Variants in ADAM11 observed in about 807,000 individuals in gnomAD.
ADAM11 encodes the protein disintegrin and metalloproteinase domain-containing protein 11.
In ADAM11, 49 loss-of-function variants were observed where a neutral mutation model predicts 119.1. That is an observed-to-expected ratio of 0.41 (90% CI 0.33 to 0.52). The LOEUF (loss-of-function observed/expected upper bound fraction) is 0.52. Among genes scored for constraint, ADAM11 ranks in the 20% least tolerant of loss-of-function variants. The pLI is 0.20. For missense variants in ADAM11, 777 were observed against 1,047.5 expected (o/e 0.74, Z 3.56); for synonymous variants, 364 against 408.0 (o/e 0.89, Z 1.30).
chr17:44,772,170 A>G lies in ADAM11; in HGVS notation c.544-97A>G. 1 of 1,203,682 alleles carries G rather than the reference A, an allele frequency of 8.3e-7. No individual in the cohort carries two copies. 74.6% of individuals were successfully genotyped at this position (1,203,682 alleles called of 1,614,324 possible). A position where few individuals can be genotyped will look rare whatever the true frequency, so the allele number is the denominator to read the frequency against. ...GCTGTGGCCAGTTCTGGGTCACCCC[A>G]GGGTGGGGTGGAGGCGAGGGCTGGA... On this transcript the variant is annotated intron_variant, in intron 6 of 26. Transcript: ENST00000200557. This position sits in a 1 kb window ranked among gnomAD's most constrained non-coding sequence, Gnocchi z 4.5.
chr17:44,777,569 C>G lies in ADAM11; in HGVS notation c.1869C>G (p.Thr623=). The G allele has an allele frequency of 6.2e-7, 1 of 1,614,174 alleles. No homozygotes were observed. Among genetic ancestry groups the G allele is most frequent in the Non-Finnish European group, 8.5e-7 (1 of 1,180,022 alleles). ...GDLVGDISSV[T]FYHQGKELDC... ...TGGTGGGAGACATCAGTAGTGTCACCTTCTACCACCAGGGCAAGGAGCTGG... is the reference window on the plus strand; with the variant it reads ...TGGTGGGAGACATCAGTAGTGTCACGTTCTACCACCAGGGCAAGGAGCTGG... The change falls in exon 22 of 27, where the codon ACC becomes ACG. Residue 623 remains threonine (T), a synonymous_variant. Transcript: ENST00000200557. This position sits in a 1 kb window ranked among gnomAD's most constrained non-coding sequence, Gnocchi z 5.1.
chr17:44,771,491 C>A, intron 4 of ADAM11, 93 bp from the exon 5 acceptor site: 1 of 1,289,902 alleles, frequency 7.8e-7, no homozygotes, highest in Non-Finnish European at 1.1e-6. Flanking sequence ...CACCTGCACA[C>A]AGGGCAGCTT....
intron 25 of ADAM11, 93 bp downstream of exon 25, chr17:44,778,335 C>A: frequency 7.8e-7 from 1 of 1,289,466 alleles, no homozygotes; most frequent in Non-Finnish European, 1.1e-6. Flanking sequence ...CCTGAAAGCC[C>A]AACTGAACCA....
rs764471098 is a variant in ADAM11, at chr17:44,772,365, C to G, written c.610+32C>G. ...GAGGGAAGGGGGGGTGGGGAGGGGC[C>G]GGCTGTGCCCCCCTCACCTGCCCCT... On this transcript the variant is annotated intron_variant, in intron 7 of 26. Coordinates refer to ENST00000200557, the MANE Select transcript of ADAM11 (RefSeq NM_002390.6). This position sits in a 1 kb window ranked among gnomAD's most constrained non-coding sequence, Gnocchi z 4.5. 1.3e-6 allele frequency: 2 copies of G among 1,579,872 alleles called. No individual in the cohort carries two copies. Among genetic ancestry groups the G allele is most frequent in the South Asian group, 2.3e-5 (2 of 87,174 alleles).
rs978324014 is a variant in ADAM11 at position 44,779,668 on chromosome 17, G to A, written c.2295-71G>A. The A allele has an allele frequency of 4.5e-5, 69 of 1,547,102 alleles. No homozygotes were observed. The Middle Eastern group carries it at 8.0e-4, about 18-fold the overall frequency. The stretch of plus-strand genomic sequence containing the variant: ...CCTCCAGGGCCCAGCACTGAGCTCC[G>A]GGGCCCTGCTGGGGGGCTCTCCCCG... On this transcript the variant is annotated intron_variant, in intron 26 of 26. Coordinates refer to ENST00000200557, the MANE Select transcript of ADAM11 (RefSeq NM_002390.6).
At chr17:44,759,339 C>T (rs1425640093) in intron 1 of ADAM11, 79 bp downstream of exon 1, 1 of 1,312,732 alleles carries the variant, frequency 7.6e-7, no homozygotes, top group Admixed American at 4.0e-5. Context: ...CTGCAGCCAC[C>T]TTTTCCTGCA....
Position 44,777,062 on chromosome 17 carries a change from T to A in ADAM11, c.1681+100T>A. On this transcript the variant is annotated intron_variant, in intron 20 of 26. Transcript: ENST00000200557. This position sits in a 1 kb window ranked among gnomAD's most constrained non-coding sequence, Gnocchi z 5.1. ...CTGAACAGGCCCCCAAGTGTGTAGC[T>A]CCCCAGGATCTCAGGGACCCAGGCA... 2 of 1,543,538 alleles carry A rather than the reference T, an allele frequency of 1.3e-6. No homozygotes were observed. Among genetic ancestry groups the A allele is most frequent in the South Asian group, 2.4e-5 (2 of 83,102 alleles).
chr17:44,763,615 G>C (rs2049414620), intron 2 of ADAM11, among the ~76,000 whole-genome samples: 1 of 152,202 alleles, frequency 6.6e-6, no homozygotes, highest in Non-Finnish European at 1.5e-5. Context: ...TGGGCTGGTT[G>C]TTCACTCCAC....
chr17:44,761,186 T>G (rs1339049325), intron 2 of ADAM11, among the ~76,000 whole-genome samples: 1 of 60,712 alleles, frequency 1.6e-5, no homozygotes. Context: ...GGTTACACTG[T>G]GGGGGAACTG....
intron 2 of ADAM11, among the ~76,000 whole-genome samples, chr17:44,763,484 G>A (rs2049412690): frequency 6.6e-6 from 1 of 152,204 alleles, no homozygotes; most frequent in African/African-American, 2.4e-5. Context: ...GTCCAGCCTG[G>A]AAGCAGGCTA....
Position 44,778,005 on chromosome 17 carries a change from C to G in ADAM11, c.2124C>G (p.Asp708Glu). The change falls in exon 24 of 27, where the codon GAC becomes GAG. Residue 708 changes from aspartate (D) to glutamate (E), a missense_variant. Physicochemically the swap from Asp to Glu is conservative, Grantham distance 45. This residue lies in a region of ADAM11 where 348 missense variants were observed against 486.7 expected (regional missense o/e 0.72). Transcript: ENST00000200557. ...CICQPDWTGK[D>E]CSIHNPLPTS... ...GTCAGCCAGACTGGACAGGCAAAGA[C>G]TGCAGTATCCATAACCCCCTGCCCA... 1 of 1,614,074 alleles carries G rather than the reference C, an allele frequency of 6.2e-7. No individual in the cohort carries two copies. The highest frequency in any genetic ancestry group is 8.5e-7 in the Non-Finnish European group (1 of 1,179,996).
Position 44,771,664 on chromosome 17 carries a change from G to A in ADAM11, c.462G>A (p.Gly154=), listed in dbSNP as rs2049525957. The change falls in exon 5 of 27, where the codon GGG becomes GGA. Residue 154 remains glycine (G), a synonymous_variant. Coordinates refer to ENST00000200557, the MANE Select transcript of ADAM11 (RefSeq NM_002390.6). ...HSFAALSTCQ[G]LHGVFSDGNL... is the part of the protein sequence containing the mutation. Reference sequence around the variant, plus strand: ...TCGCCGCCCTCTCCACCTGCCAGGGGCTGCAGTGAGTATGGGGAGGGGCCG... The same window carrying A: ...TCGCCGCCCTCTCCACCTGCCAGGGACTGCAGTGAGTATGGGGAGGGGCCG... 1 of 1,611,750 alleles carries A rather than the reference G, an allele frequency of 6.2e-7. No homozygotes were observed.
Position 44,775,807 on chromosome 17 carries a change from C to A in ADAM11, c.1485+131C>A. 1.0e-6 allele frequency: 1 copy of A among 957,576 alleles called. No homozygotes were observed. Among genetic ancestry groups the A allele is most frequent in the Non-Finnish European group, 1.5e-6 (1 of 658,458 alleles). The allele number at this position is 957,576 out of a possible 1,614,324, so 59.3% of individuals were successfully genotyped here. A position where few individuals can be genotyped will look rare whatever the true frequency, so the allele number is the denominator to read the frequency against. Reference sequence around the variant, plus strand: ...AAGGCCTCTGGGGCAGGGCTTGATGCGAAGACAGCGCCAATGGGGAGCAAG... The same window carrying A: ...AAGGCCTCTGGGGCAGGGCTTGATGAGAAGACAGCGCCAATGGGGAGCAAG... On this transcript the variant is annotated intron_variant, in intron 17 of 26. Coordinates refer to ENST00000200557, the MANE Select transcript of ADAM11 (RefSeq NM_002390.6). The surrounding 1 kb of genome is among the most constrained non-coding windows in gnomAD (Gnocchi z 7.5).
rs146393841 is a variant in ADAM11 at position 44,762,082 on chromosome 17, C to T, written c.237+2185C>T. On this transcript the variant is annotated intron_variant, in intron 2 of 26. Transcript: ENST00000200557. ...CAGGTGATCTGCCCACCTCGGCCTCCCAAAGTGCTGGGATTACAAGCGTGA... is the reference window on the plus strand; with the variant it reads ...CAGGTGATCTGCCCACCTCGGCCTCTCAAAGTGCTGGGATTACAAGCGTGA... 8.0e-3 allele frequency among the ~76,000 whole-genome samples: 1,211 copies of T among 152,272 alleles called. 14 individuals are homozygous for T. Among genetic ancestry groups the T allele is most frequent in the African/African-American group, 0.028 (1,145 of 41,544 alleles).
chr17:44,760,742 G>T (rs536785572), intron 2 of ADAM11, among the ~76,000 whole-genome samples: 1 of 152,064 alleles, frequency 6.6e-6, no homozygotes, highest in Non-Finnish European at 1.5e-5. Context: ...TTTTGGCAGC[G>T]GGGAGTGGTG....
chr17:44,776,916 T>C lies in ADAM11; in HGVS notation c.1635T>C (p.Gly545=). The C allele has an allele frequency of 2.5e-6, 4 of 1,613,286 alleles. No homozygotes were observed. Among genetic ancestry groups the C allele is most frequent in the Non-Finnish European group, 1.7e-6 (2 of 1,179,402 alleles). Residue 545 remains glycine, a synonymous_variant, in exon 20 of 27, where the codon GGT becomes GGC. Transcript: ENST00000200557. The surrounding 1 kb of genome is among the most constrained non-coding windows in gnomAD (Gnocchi z 5.2). ...CDHEQGRCYG[G]RCKTRDRQCQ... Reference sequence around the variant, plus strand: ...ACTCTCAGGGCCGCTGCTACGGAGGTCGCTGCAAAACCCGGGACCGGCAGT... The same window carrying C: ...ACTCTCAGGGCCGCTGCTACGGAGGCCGCTGCAAAACCCGGGACCGGCAGT...
At position 44,778,135 on chromosome 17, in the gene ADAM11, C is replaced by T; in HGVS notation, c.2186-17C>T. 6.2e-7 allele frequency: 1 copy of T among 1,613,030 alleles called. No individual in the cohort carries two copies. Among genetic ancestry groups the T allele is most frequent in the Non-Finnish European group, 8.5e-7 (1 of 1,179,372 alleles). On this transcript the variant is annotated splice_polypyrimidine_tract_variant and intron_variant, in intron 24 of 26. Transcript: ENST00000200557. ...CTATGCCTGTCCTTGCCAGCTAAGCCCTGCCATCCTCCCCAGGTCCCAGCG... is the reference window on the plus strand; with the variant it reads ...CTATGCCTGTCCTTGCCAGCTAAGCTCTGCCATCCTCCCCAGGTCCCAGCG...
intron 14 of ADAM11, 81 bp downstream of exon 14, chr17:44,774,830 G>T: frequency 1.3e-6 from 2 of 1,521,678 alleles, no homozygotes; most frequent in South Asian, 1.2e-5. Flanking sequence ...GTCTGGACCA[G>T]GGGGCTCAAG....
In ADAM11 at chr17:44,772,764, A is replaced by T; in HGVS notation, c.679-93A>T. On this transcript the variant is annotated intron_variant, in intron 8 of 26. Coordinates refer to ENST00000200557, the MANE Select transcript of ADAM11 (RefSeq NM_002390.6). This position sits in a 1 kb window ranked among gnomAD's most constrained non-coding sequence, Gnocchi z 4.5. ...GGCACTGTCCCTGGCTGGAGTCCAG[A>T]CCCCCCCATCCCCACCGAGTCTGTT... is the stretch of plus-strand genomic sequence containing the variant. 8.7e-7 allele frequency: 1 copy of T among 1,148,402 alleles called. No homozygotes were observed. Among genetic ancestry groups the T allele is most frequent in the Admixed American group, 1.9e-5 (1 of 52,218 alleles). The allele number at this position is 1,148,402 out of a possible 1,614,324, so 71.1% of individuals were successfully genotyped here.
Sources: allele counts gnomAD v4.1 joint callset (sites outside exome capture counted in the v4.1 genomes callset), GRCh38; gene constraint gnomAD v4.1.1; regional missense constraint gnomAD v4.1.1; non-coding constraint Gnocchi (gnomAD v3.1); transcripts MANE v1.5; gene names NCBI Gene and HGNC (gene_info 2026-07-23, HGNC 2026-07-21).